The following ZFYVE9 variants were observed in gnomAD, a reference collection of about 807,000 sequenced individuals.
The protein encoded by ZFYVE9 is zinc finger FYVE domain-containing protein 9.
Under a neutral mutation model 126.7 loss-of-function variants are expected in ZFYVE9, and 43 were observed. The observed-to-expected ratio is 0.34, with a 90% CI of 0.27 to 0.44. The LOEUF (loss-of-function observed/expected upper bound fraction) is 0.44, where lower values mean the gene tolerates loss of function less well. Among genes scored for constraint, ZFYVE9 ranks in the 20% least tolerant of loss-of-function variants. The pLI, the probability that ZFYVE9 is intolerant of heterozygous loss-of-function variation, is 1.00. For missense variants in ZFYVE9, 1,476 were observed against 1,697.0 expected (o/e 0.87, Z 2.29); for synonymous variants, 521 against 597.4 (o/e 0.87, Z 1.87).
At chr1:52,313,039 T>C (rs144173063) in intron 13 of ZFYVE9, among the ~76,000 whole-genome samples, 2 of 152,270 alleles carry the variant, frequency 1.3e-5, no homozygotes, top group Non-Finnish European at 2.9e-5. Context: ...TGAAGAGACA[T>C]AGGGAGAAGA....
chr1:52,329,936 A>G (rs1024819875), intron 13 of ZFYVE9, among the ~76,000 whole-genome samples: 1 of 152,088 alleles, frequency 6.6e-6, no homozygotes, highest in Non-Finnish European at 1.5e-5. Context: ...TTCCGTGTCA[A>G]CAGCAAAGAC....
intron 1 of ZFYVE9, chr1:52,162,605 A>C: frequency 3.8e-6 from 1 of 260,854 alleles, no homozygotes; most frequent in Non-Finnish European, 8.0e-6. Flanking sequence ...GTCCATATCA[A>C]GAACATACTT....
rs1368523476 is a variant in ZFYVE9 at position 52,277,151 on chromosome 1, T to C, written c.2747-1341T>C. 2.6e-5 allele frequency among the ~76,000 whole-genome samples: 4 copies of C among 152,334 alleles called. No homozygotes were observed. In the East Asian group the frequency reaches 5.8e-4, roughly 22 times the overall value. ...AATCTTAGATTAATAAGGAACTAAA[T>C]TGGCCTACTCTGTTGTTAAAAAGAG... On this transcript the variant is annotated intron_variant, in intron 8 of 18. Coordinates refer to ENST00000287727, the MANE Select transcript of ZFYVE9 (RefSeq NM_004799.4).
At chr1:52,277,363 T>G (rs1645758136) in intron 8 of ZFYVE9, among the ~76,000 whole-genome samples, 1 of 152,174 alleles carries the variant, frequency 6.6e-6, no homozygotes, top group Non-Finnish European at 1.5e-5. Context: ...GGATTCCATT[T>G]TCATAAAAAG....
intron 1 of ZFYVE9, among the ~76,000 whole-genome samples, chr1:52,214,479 G>C (rs1237617537): frequency 6.6e-6 from 1 of 152,078 alleles, no homozygotes; most frequent in Non-Finnish European, 1.5e-5. Flanking sequence ...CTAGCCACTA[G>C]TGGTCTTGTG....
intron 11 of ZFYVE9, among the ~76,000 whole-genome samples, chr1:52,295,273 A>C (rs753090572): frequency 5.8e-4 from 88 of 152,326 alleles, no homozygotes; most frequent in Admixed American, 1.4e-3. Flanking sequence ...CAGAGGAATC[A>C]GGAGATATTT....
intron 1 of ZFYVE9, among the ~76,000 whole-genome samples, chr1:52,145,990 G>T (rs969391891): frequency 1.3e-5 from 2 of 150,298 alleles, no homozygotes; most frequent in Admixed American, 1.3e-4. Context: ...TCAGATCTCT[G>T]TATCTGTGGG....
At chr1:52,298,580 T>C (rs1426789015) in intron 12 of ZFYVE9, among the ~76,000 whole-genome samples, 4 of 152,152 alleles carry the variant, frequency 2.6e-5, no homozygotes, top group Non-Finnish European at 5.9e-5. Flanking sequence ...TAGTGTGATA[T>C]CTCTAGCTTT....
At chr1:52,298,394 A>G (rs1418953653) in intron 12 of ZFYVE9, among the ~76,000 whole-genome samples, 1 of 152,108 alleles carries the variant, frequency 6.6e-6, no homozygotes, top group African/African-American at 2.4e-5. Context: ...AGTACTATTT[A>G]TTGAAGAGAG....
intron 1 of ZFYVE9, among the ~76,000 whole-genome samples, chr1:52,173,839 G>A (rs1381826314): frequency 2.6e-5 from 4 of 151,984 alleles, no homozygotes; most frequent in African/African-American, 7.2e-5. Flanking sequence ...CTGTGAGATC[G>A]GTGGTGATAT....
chr1:52,310,387 T>G (rs1403784532), intron 13 of ZFYVE9, among the ~76,000 whole-genome samples: 1 of 152,202 alleles, frequency 6.6e-6, no homozygotes, highest in Non-Finnish European at 1.5e-5. Context: ...GTATGCTAAC[T>G]ACCTTTTTAC....
intron 16 of ZFYVE9, among the ~76,000 whole-genome samples, chr1:52,338,792 G>A (rs900504352): frequency 2.0e-5 from 3 of 151,980 alleles, no homozygotes; most frequent in Admixed American, 6.6e-5. Context: ...CAGGTGGATC[G>A]CCTGAGGTTG....
chr1:52,281,911 G>A, intron 10 of ZFYVE9, 95 bp downstream of exon 10: 2 of 1,416,176 alleles, frequency 1.4e-6, no homozygotes, highest in East Asian at 2.3e-5. Flanking sequence ...TTGGACTTAA[G>A]CATGGCAGGG....
chr1:52,197,473 C>G (rs1644871255), intron 1 of ZFYVE9, among the ~76,000 whole-genome samples: 1 of 151,954 alleles, frequency 6.6e-6, no homozygotes, highest in Admixed American at 6.6e-5. Flanking sequence ...ATAGTAGATA[C>G]AATTCTCTTG....
At chr1:52,282,801 CTTATTAGA>C (rs1395100187) in intron 10 of ZFYVE9, among the ~76,000 whole-genome samples, 1 of 152,094 alleles carries the variant, frequency 6.6e-6, no homozygotes, top group East Asian at 1.9e-4. Context: ...CTGTGTTATA[CTTATTAGA>C]TGTGAGGATC....
chr1:52,147,110 CAAAT>C (rs1272211081), intron 1 of ZFYVE9, among the ~76,000 whole-genome samples: 16 of 152,102 alleles, frequency 1.1e-4, no homozygotes, highest in Non-Finnish European at 1.6e-4. Flanking sequence ...ATACATGAAA[CAAAT>C]GAATTTTGTG....
At chr1:52,322,381 T>C (rs944286309) in intron 13 of ZFYVE9, among the ~76,000 whole-genome samples, 148 of 134,770 alleles carry the variant, frequency 1.1e-3, no homozygotes, top group Non-Finnish European at 1.3e-3. Context: ...TCTTTTCTTT[T>C]TTTTTTTTTT....
At chr1:52,287,647 C>T (rs1274930049) in intron 10 of ZFYVE9, among the ~76,000 whole-genome samples, 1 of 150,722 alleles carries the variant, frequency 6.6e-6, no homozygotes, top group African/African-American at 2.5e-5. Context: ...TTGCTTGAGG[C>T]CAGGACTTTG....
At chr1:52,216,529 C>G (rs1441904674) in intron 2 of ZFYVE9, 55 bp downstream of exon 2, 1 of 397,914 alleles carries the variant, frequency 2.5e-6, no homozygotes, top group Non-Finnish European at 4.4e-6. Context: ...CCAATGAGAT[C>G]TATAGAAGAT....
Sources: gnomAD v4.1 joint callset for allele counts (sites outside exome capture counted in the v4.1 genomes callset) on GRCh38, gnomAD v4.1.1 for gene constraint, MANE v1.5 for transcripts, NCBI Gene and HGNC (gene_info 2026-07-23, HGNC 2026-07-21) for gene names.